Variants in ACOX3 observed in about 807,000 individuals in gnomAD.
The protein encoded by ACOX3 is acyl-CoA oxidase 3, pristanoyl.
ACOX3 carries 73 observed loss-of-function variants against 81.5 expected under a neutral mutation model. The ratio of observed to expected loss-of-function variants is 0.90; its 90% CI spans 0.74 to 1.09. ACOX3 has a LOEUF of 1.09. Ranked by LOEUF, ACOX3 falls within the 50% of genes least tolerant of loss-of-function variation. The pLI, the probability that ACOX3 is intolerant of heterozygous loss-of-function variation, is 0.00. For synonymous variants in ACOX3, 387 were observed against 375.1 expected (o/e 1.03, Z -0.37); for missense variants, 947 against 928.0 (o/e 1.02, Z -0.27).
chr4:8,432,252 G>A lies in ACOX3; in HGVS notation c.-15+8396C>T, dbSNP rs1273689076. Among the ~76,000 whole-genome samples the A allele has an allele frequency of 1.3e-5, 2 of 151,216 alleles. No homozygotes were observed. The highest frequency in any genetic ancestry group is 4.9e-5 in the African/African-American group (2 of 41,092). On this transcript the variant is annotated intron_variant, in intron 1 of 17. Coordinates refer to ENST00000356406, the MANE Select transcript of ACOX3 (RefSeq NM_003501.3). The surrounding 1 kb of genome is among the most constrained non-coding windows in gnomAD (Gnocchi z 6.2). ...CTTGAGCCAATGAATTTTTTTTTTCGAGATGGAGTCTCGCTCTGTTGCCCA... is the reference window on the plus strand; with the variant it reads ...CTTGAGCCAATGAATTTTTTTTTTCAAGATGGAGTCTCGCTCTGTTGCCCA...
rs116539215 is a variant in ACOX3, at chr4:8,394,346, C to T, written c.1179+274G>A. Among the ~76,000 whole-genome samples the T allele has an allele frequency of 1.8e-3, 277 of 152,220 alleles. 2 individuals carry two copies. The highest frequency in any genetic ancestry group is 6.4e-3 in the African/African-American group (267 of 41,520). ...GCGGGTAACGTGGATTTTGCAAAAC[C>T]GTCATGTTCTCAAAAGGAGACCAAC... is the stretch of plus-strand genomic sequence containing the variant. On this transcript the variant is annotated intron_variant, in intron 10 of 17. Transcript: ENST00000356406. This position sits in a 1 kb window ranked among gnomAD's most constrained non-coding sequence, Gnocchi z 5.9.
At chr4:8,422,262 T>A (rs1723028730) in intron 1 of ACOX3, among the ~76,000 whole-genome samples, 1 of 151,872 alleles carries the variant, frequency 6.6e-6, no homozygotes, top group Non-Finnish European at 1.5e-5. Context: ...GAGAGATATA[T>A]AAGTAGTTAA....
chr4:8,359,730 A>G, the ACOX3 span, among the ~76,000 whole-genome samples: 1 of 151,766 alleles, frequency 6.6e-6, no homozygotes, highest in Non-Finnish European at 1.5e-5. The surrounding 1 kb of genome is among the most constrained non-coding windows in gnomAD (Gnocchi z 6.0). Context: ...GCTGCAATGG[A>G]TGGGTCTTTC....
rs1250960871 is a variant in ACOX3, at chr4:8,370,848, C to T, written c.1983+60G>A. On this transcript the variant is annotated intron_variant, in intron 17 of 17. Transcript: ENST00000356406. This position sits in a 1 kb window ranked among gnomAD's most constrained non-coding sequence, Gnocchi z 6.3. ...CCCCTGACCCACAGGAGCATCTCAG[C>T]TCCGCAGAAATGCCCATCAACCCTT... The T allele has an allele frequency of 1.1e-5, 17 of 1,505,786 alleles. No individual in the cohort carries two copies. Among genetic ancestry groups the T allele is most frequent in the Non-Finnish European group, 1.6e-5 (17 of 1,086,564 alleles). The allele number at this position is 1,505,786 out of a possible 1,614,324, so 93.3% of individuals were successfully genotyped here.
chr4:8,435,850 C>G (rs1035644290), intron 1 of ACOX3, among the ~76,000 whole-genome samples: 1 of 152,212 alleles, frequency 6.6e-6, no homozygotes, highest in African/African-American at 2.4e-5. Flanking sequence ...TATGGCCCAG[C>G]CTACCCCCCT....
Position 8,389,515 on chromosome 4 carries a change from A to G in ACOX3, c.1423+97T>C. ...ATTTCTTTCCTTCTGCAAACCTAGGATGCATTCACAGAACAGCTGAATCAG... is the reference window on the plus strand; with the variant it reads ...ATTTCTTTCCTTCTGCAAACCTAGGGTGCATTCACAGAACAGCTGAATCAG... On this transcript the variant is annotated intron_variant, in intron 12 of 17. Transcript: ENST00000356406. The surrounding 1 kb of genome is among the most constrained non-coding windows in gnomAD (Gnocchi z 5.3). The G allele has an allele frequency of 6.4e-7, 1 of 1,559,886 alleles. No homozygotes were observed. Among genetic ancestry groups the G allele is most frequent in the Admixed American group, 1.7e-5 (1 of 58,892 alleles).
At chr4:8,390,182 G>GA (rs11462533) in intron 11 of ACOX3, among the ~76,000 whole-genome samples, 53,931 of 146,692 alleles carry the variant, frequency 0.37, 12,107 homozygotes, top group African/African-American at 0.65. Flanking sequence ...TATAAAAAAT[G>GA]AAAAAAAAAA....
At chr4:8,383,606 T>G (rs1717963701) in intron 13 of ACOX3, among the ~76,000 whole-genome samples, 2 of 152,232 alleles carry the variant, frequency 1.3e-5, no homozygotes. Context: ...TGCCCCATCC[T>G]GACTTGGGGT....
chr4:8,386,277 T>C lies in ACOX3; in HGVS notation c.1537+2896A>G, dbSNP rs1718279578. ...GGCAACATTTGGGAAGCTTAGAAAG[T>C]GACTTGCGGCCGGGCGTGGTGGCTC... is the stretch of plus-strand genomic sequence containing the variant. On this transcript the variant is annotated intron_variant, in intron 13 of 17. Coordinates refer to ENST00000356406, the MANE Select transcript of ACOX3 (RefSeq NM_003501.3). This position sits in a 1 kb window ranked among gnomAD's most constrained non-coding sequence, Gnocchi z 5.2. Among the ~76,000 whole-genome samples the C allele has an allele frequency of 6.6e-6, 1 of 152,164 alleles. No individual in the cohort carries two copies.
chr4:8,361,379 T>A (rs1715229866), downstream of ACOX3, among the ~76,000 whole-genome samples: 1 of 117,656 alleles, frequency 8.5e-6, no homozygotes, highest in African/African-American at 3.3e-5. Flanking sequence ...TGAGCTGAGA[T>A]CATGCCACTG....
chr4:8,363,452 A>C (rs938376153), downstream of ACOX3, among the ~76,000 whole-genome samples: 17 of 152,324 alleles, frequency 1.1e-4, no homozygotes, highest in African/African-American at 4.1e-4. Context: ...TCTACCCTGA[A>C]CAGAAGAGAC....
intron 11 of ACOX3, among the ~76,000 whole-genome samples, chr4:8,390,032 G>A (rs570958405): frequency 1.8e-4 from 28 of 151,664 alleles, no homozygotes; most frequent in African/African-American, 5.6e-4. Flanking sequence ...GAGCCTGGGA[G>A]GCGGAGGTTG....
chr4:8,360,348 TA>T, the ACOX3 span, among the ~76,000 whole-genome samples: 4 of 152,286 alleles, frequency 2.6e-5, no homozygotes, highest in East Asian at 7.7e-4. Context: ...CTTTGGGAAA[TA>T]AGGAGTTTTA....
At chr4:8,378,344 A>AAAGTAGAC (rs2108813000) in intron 14 of ACOX3, among the ~76,000 whole-genome samples, 1 of 152,296 alleles carries the variant, frequency 6.6e-6, no homozygotes, top group South Asian at 2.1e-4. Context: ...CTTCACTCCC[A>AAAGTAGAC]AAGTAGACAA....
intron 14 of ACOX3, among the ~76,000 whole-genome samples, chr4:8,380,839 C>T (rs1183115738): frequency 6.6e-6 from 1 of 152,222 alleles, no homozygotes; most frequent in Non-Finnish European, 1.5e-5. Context: ...GTGCTCATGG[C>T]ACCCACAGAC....
At chr4:8,439,330 G>A (rs542288987) in intron 1 of ACOX3, 1 of 152,174 alleles carries the variant, frequency 6.6e-6, no homozygotes, top group Non-Finnish European at 1.5e-5. Context: ...ACATAAACCA[G>A]AAGTTACAAG....
intron 1 of ACOX3, among the ~76,000 whole-genome samples, chr4:8,422,484 GT>G (rs1266976090): frequency 6.6e-6 from 1 of 152,122 alleles, no homozygotes; most frequent in Non-Finnish European, 1.5e-5. Flanking sequence ...GGCAACCTCG[GT>G]TTTTTTCACA....
intron 1 of ACOX3, among the ~76,000 whole-genome samples, chr4:8,427,427 G>A (rs1056494940): frequency 3.9e-5 from 6 of 152,136 alleles, no homozygotes; most frequent in East Asian, 1.9e-4. Context: ...GGCTGCTGTC[G>A]CAGACGCCCC....
intron 8 of ACOX3, among the ~76,000 whole-genome samples, chr4:8,398,637 G>A (rs374766817): frequency 1.3e-5 from 2 of 152,168 alleles, no homozygotes; most frequent in African/African-American, 4.8e-5. Flanking sequence ...TACCATGCCC[G>A]GCTAATTTTT....
Sources: allele counts gnomAD v4.1 joint callset (sites outside exome capture counted in the v4.1 genomes callset), GRCh38; gene constraint gnomAD v4.1.1; non-coding constraint Gnocchi (gnomAD v3.1); transcripts MANE v1.5; gene names NCBI Gene and HGNC (gene_info 2026-07-23, HGNC 2026-07-21).